POFUT1: variants seen among roughly 807,000 people sequenced by gnomAD.
The protein encoded by POFUT1 is protein O-fucosyltransferase 1, also known as GDP-fucose protein O-fucosyltransferase 1.
Under a neutral mutation model 42.4 loss-of-function variants are expected in POFUT1, and 16 were observed. The observed-to-expected ratio is 0.38, with a 90% CI of 0.26 to 0.57. The LOEUF (loss-of-function observed/expected upper bound fraction) is 0.57, where lower values mean the gene tolerates loss of function less well. Ranked by LOEUF, POFUT1 falls within the 20% of genes least tolerant of loss-of-function variation. The pLI, the probability that POFUT1 is intolerant of heterozygous loss-of-function variation, is 0.71. For synonymous variants in POFUT1, 206 were observed against 205.4 expected (o/e 1.00, Z -0.03); for missense variants, 470 against 504.6 (o/e 0.93, Z 0.66).
In POFUT1 at chr20:32,234,832, C is replaced by A; in HGVS notation, c.*171C>A. ...CTCAAGGAGGGAGACGCTCCATATC[C>A]CAGGGCATAGGACTTGCAGGTTCCT... On this transcript the variant is annotated 3_prime_UTR_variant, in exon 7 of 7. Coordinates refer to ENST00000375749, the MANE Select transcript of POFUT1 (RefSeq NM_015352.2). 1 of 584,566 alleles carries A rather than the reference C, an allele frequency of 1.7e-6. No individual in the cohort carries two copies. Among genetic ancestry groups the A allele is most frequent in the Non-Finnish European group, 3.0e-6 (1 of 337,928 alleles). 36.2% of individuals were successfully genotyped at this position (584,566 alleles called of 1,614,324 possible).
At chr20:32,222,964 C>T in intron 4 of POFUT1, 2 of 984,270 alleles carry the variant, frequency 2.0e-6, no homozygotes, top group Non-Finnish European at 2.4e-6. Context: ...GAAAGGCAGT[C>T]CTTCATGGCA....
intron 4 of POFUT1, chr20:32,223,636 T>C: frequency 2.0e-6 from 2 of 985,438 alleles, no homozygotes; most frequent in Non-Finnish European, 2.4e-6. Context: ...TAGTAGCTAC[T>C]CAGGTAATAT....
chr20:32,215,471 G>A lies in POFUT1; in HGVS notation c.429+20G>A. Reference sequence around the variant, plus strand: ...ATGAAGGTGGGTCCTGTGGGTTCGGGGGCCCTTTCTTCCTGTTCCATGTCC... The same window carrying A: ...ATGAAGGTGGGTCCTGTGGGTTCGGAGGCCCTTTCTTCCTGTTCCATGTCC... On this transcript the variant is annotated intron_variant, in intron 3 of 6. Coordinates refer to ENST00000375749, the MANE Select transcript of POFUT1 (RefSeq NM_015352.2). The A allele has an allele frequency of 4.4e-6, 7 of 1,592,548 alleles. No homozygotes were observed. Among genetic ancestry groups the A allele is most frequent in the Non-Finnish European group, 6.0e-6 (7 of 1,164,262 alleles).
chr20:32,221,147 G>A (rs1174467804), intron 4 of POFUT1, among the ~76,000 whole-genome samples: 1 of 152,186 alleles, frequency 6.6e-6, no homozygotes, highest in African/African-American at 2.4e-5. Context: ...GCCCTGTGAG[G>A]CAATCTGTTA....
At chr20:32,219,246 T>G (rs1296150286) in intron 4 of POFUT1, among the ~76,000 whole-genome samples, 1 of 152,098 alleles carries the variant, frequency 6.6e-6, no homozygotes, top group Non-Finnish European at 1.5e-5. Context: ...GAGATGGTGC[T>G]TAGAAGGATA....
chr20:32,208,138 G>A, intron 1 of POFUT1, 73 bp downstream of exon 1: 12 of 1,407,318 alleles, frequency 8.5e-6, no homozygotes, highest in Non-Finnish European at 1.2e-5. Context: ...CCTCAGATGC[G>A]CCCAGAGACA....
At chr20:32,232,528 T>G (rs1014641703) in intron 6 of POFUT1, among the ~76,000 whole-genome samples, 1 of 152,154 alleles carries the variant, frequency 6.6e-6, no homozygotes, top group Admixed American at 6.5e-5. Context: ...TGGAATTGTT[T>G]GGGGGATTTT....
chr20:32,229,859 C>A (rs1398239643), intron 5 of POFUT1, among the ~76,000 whole-genome samples: 1 of 152,040 alleles, frequency 6.6e-6, no homozygotes, highest in African/African-American at 2.4e-5. Context: ...ACCGCATCCT[C>A]CACCTTCTGG....
At chr20:32,228,086 C>T (rs1334125524) in intron 4 of POFUT1, among the ~76,000 whole-genome samples, 177 bp from the exon 5 acceptor site, 1 of 152,238 alleles carries the variant, frequency 6.6e-6, no homozygotes, top group East Asian at 1.9e-4. Context: ...TTGCCGCCGC[C>T]ACCAAGGTTC....
In POFUT1 at chr20:32,231,067, T is replaced by G; in HGVS notation, c.978+6T>G. The G allele has an allele frequency of 6.2e-7, 1 of 1,614,072 alleles. No individual in the cohort carries two copies. Among genetic ancestry groups the G allele is most frequent in the Non-Finnish European group, 8.5e-7 (1 of 1,180,010 alleles). On this transcript the variant is annotated splice_donor_region_variant and intron_variant, in intron 6 of 6. Coordinates refer to ENST00000375749, the MANE Select transcript of POFUT1 (RefSeq NM_015352.2). Reference sequence around the variant, plus strand: ...AACAGCTCTTCAAAGGGAAGGTATGTGTGGGCCAAGTGGGAGTGCAGTAGG... The same window carrying G: ...AACAGCTCTTCAAAGGGAAGGTATGGGTGGGCCAAGTGGGAGTGCAGTAGG...
chr20:32,215,391 G>A lies in POFUT1; in HGVS notation c.369G>A (p.Val123=). The A allele has an allele frequency of 6.2e-7, 1 of 1,614,056 alleles. No individual in the cohort carries two copies. Among genetic ancestry groups the A allele is most frequent in the Non-Finnish European group, 8.5e-7 (1 of 1,180,002 alleles). Residue 123 remains valine, a synonymous_variant, in exon 3 of 7, where the codon GTG becomes GTA. Transcript: ENST00000375749. The stretch of plus-strand genomic sequence containing the variant: ...CCCACTGGCCCCCTGAGAAGCGGGT[G>A]GCATACTGCTTTGAGGTGGCAGCCC... ...APTHWPPEKR[V]AYCFEVAAQR...
chr20:32,222,718 T>TTCCAGC, intron 4 of POFUT1: 4 of 985,468 alleles, frequency 4.1e-6, no homozygotes, highest in Non-Finnish European at 4.8e-6. Context: ...CTGAGGATCC[T>TTCCAGC]TCCAGCTCTG....
chr20:32,225,252 C>T (rs928152441), intron 4 of POFUT1, among the ~76,000 whole-genome samples: 6 of 152,026 alleles, frequency 3.9e-5, no homozygotes, highest in South Asian at 2.1e-4. Flanking sequence ...TGCAGTGGCA[C>T]GATCTCAGCT....
chr20:32,218,917 G>A, intron 4 of POFUT1, among the ~76,000 whole-genome samples: 1 of 150,072 alleles, frequency 6.7e-6, no homozygotes, highest in Middle Eastern at 3.2e-3. Flanking sequence ...AATTACATGA[G>A]GGTTTGAAGA....
At chr20:32,223,496 G>A (rs890116945) in intron 4 of POFUT1, 20 of 985,206 alleles carry the variant, frequency 2.0e-5, no homozygotes, top group Admixed American at 6.2e-5. Context: ...CCAAGAGGTC[G>A]GGGGGTGGCA....
chr20:32,219,264 G>A (rs1447731250), intron 4 of POFUT1, among the ~76,000 whole-genome samples: 2 of 152,182 alleles, frequency 1.3e-5, no homozygotes, highest in Non-Finnish European at 2.9e-5. Flanking sequence ...ATATAAACAG[G>A]TGGTATGTGA....
intron 2 of POFUT1, among the ~76,000 whole-genome samples, chr20:32,212,731 C>T (rs2047336394): frequency 1.3e-5 from 2 of 152,128 alleles, no homozygotes; most frequent in African/African-American, 4.8e-5. Flanking sequence ...CAGGCATGTG[C>T]CACCACACCC....
At chr20:32,210,218 C>T in intron 2 of POFUT1, 26 bp downstream of exon 2, 1 of 1,613,594 alleles carries the variant, frequency 6.2e-7, no homozygotes, top group Admixed American at 1.7e-5. Context: ...TGACCTTGGC[C>T]TTTCTCCGCC....
intron 6 of POFUT1, among the ~76,000 whole-genome samples, chr20:32,233,744 T>G (rs2047455213): frequency 1.3e-5 from 2 of 152,140 alleles, no homozygotes; most frequent in African/African-American, 4.8e-5. Flanking sequence ...TGGACGGACC[T>G]TGGGCTTGGA....
Sources: allele counts gnomAD v4.1 joint callset (sites outside exome capture counted in the v4.1 genomes callset), GRCh38; gene constraint gnomAD v4.1.1; transcripts MANE v1.5; gene names NCBI Gene and HGNC (gene_info 2026-07-23, HGNC 2026-07-21).